The following WDFY4 variants were observed in gnomAD, a reference collection of about 807,000 sequenced individuals.
The protein encoded by WDFY4 is WDFY family member 4.
Under a neutral mutation model 351.9 loss-of-function variants are expected in WDFY4, and 169 were observed. The ratio of observed to expected loss-of-function variants is 0.48; its 90% CI spans 0.42 to 0.55. WDFY4 has a LOEUF of 0.55. Among genes scored for constraint, WDFY4 ranks in the 20% least tolerant of loss-of-function variants. The pLI is 0.00. For synonymous variants in WDFY4, 1,622 were observed against 1,574.6 expected (o/e 1.03, Z -0.71); for missense variants, 3,803 against 3,935.6 (o/e 0.97, Z 0.90).
intron 23 of WDFY4, among the ~76,000 whole-genome samples, chr10:48,792,234 C>A (rs536021237): frequency 6.6e-6 from 1 of 152,174 alleles, no homozygotes; most frequent in African/African-American, 2.4e-5. Context: ...CTTCTGTTTT[C>A]CAAGATCAAG....
Position 48,756,951 on chromosome 10 carries a change from T to G in WDFY4, c.2460-3396T>G, listed in dbSNP as rs187117119. 3.0e-4 allele frequency among the ~76,000 whole-genome samples: 46 copies of G among 152,226 alleles called. 1 individual carries two copies. The highest frequency in any genetic ancestry group is 1.2e-3 in the Admixed American group (19 of 15,290). On this transcript the variant is annotated intron_variant, in intron 12 of 61. Coordinates refer to ENST00000325239, the MANE Select transcript of WDFY4 (RefSeq NM_001394531.1). ...TCAGGGTAATTCTGGCTTTATAAAA[T>G]GAATTGGGAAGTGTTCCCTTCTCTT...
At chr10:48,917,700 G>T (rs992385038) in intron 47 of WDFY4, among the ~76,000 whole-genome samples, 2 of 152,176 alleles carry the variant, frequency 1.3e-5, no homozygotes, top group African/African-American at 4.8e-5. Flanking sequence ...ATAAGTTTTT[G>T]CCACTAACTA....
Position 48,821,535 on chromosome 10 carries a change from G to A in WDFY4, c.5824+359G>A, listed in dbSNP as rs115236611. Among the ~76,000 whole-genome samples the A allele has an allele frequency of 8.0e-3, 1,219 of 152,344 alleles. 14 individuals are homozygous for A. Among genetic ancestry groups the A allele is most frequent in the African/African-American group, 0.027 (1,121 of 41,568 alleles). On this transcript the variant is annotated intron_variant, in intron 34 of 61. Coordinates refer to ENST00000325239, the MANE Select transcript of WDFY4 (RefSeq NM_001394531.1). ...CGTGCTCAGCATTCTGCCTGGGTAC[G>A]GGATAGGTGCACAGCTGATGTTTCT...
At chr10:48,707,777 G>A (rs138963187) in intron 1 of WDFY4, among the ~76,000 whole-genome samples, 1 of 152,190 alleles carries the variant, frequency 6.6e-6, no homozygotes. Flanking sequence ...CCAAGTGAGA[G>A]TGTGGGTGGG....
chr10:48,957,502 G>A (rs4838659), intron 52 of WDFY4, among the ~76,000 whole-genome samples: 3,348 of 152,304 alleles, frequency 0.022, 77 homozygotes, highest in South Asian at 0.093. Context: ...GCCACCACCC[G>A]ACCTGCGACT....
rs561650883 is a variant in WDFY4 at position 48,953,393 on chromosome 10, G to A, written c.7978-3736G>A. On this transcript the variant is annotated intron_variant, in intron 51 of 61. Coordinates refer to ENST00000325239, the MANE Select transcript of WDFY4 (RefSeq NM_001394531.1). ...TTCACACCAACAGCTATCATCCAGG[G>A]TTCATAGACAAGGGCATGGGCGGTT... Among the ~76,000 whole-genome samples, 5 of 149,834 alleles carry A rather than the reference G, an allele frequency of 3.3e-5. No homozygotes were observed. In the South Asian group the frequency reaches 1.1e-3, roughly 32 times the overall value.
intron 36 of WDFY4, 90 bp downstream of exon 36, chr10:48,826,999 G>C (rs1438775843): frequency 9.6e-7 from 1 of 1,045,962 alleles, no homozygotes; most frequent in Admixed American, 2.6e-5. Flanking sequence ...ACTGAGTTCT[G>C]TATAAATGAT....
Position 48,731,361 on chromosome 10 carries a change from T to C in WDFY4, c.1381T>C (p.Tyr461His). ...AGAGGCCCTGGTGTTCGAGCTGCACTACGTGCCTCATGAGATCCTGCGAAA... is the reference window on the plus strand; with the variant it reads ...AGAGGCCCTGGTGTTCGAGCTGCACCACGTGCCTCATGAGATCCTGCGAAA... ...LLEALVFELH[Y>H]VPHEILRKVQ... Residue 461 changes from tyrosine (Y) to histidine (H), a missense_variant, in exon 9 of 62, where the codon TAC (tyrosine) becomes CAC (histidine). Tyr to His is a moderately conservative substitution (Grantham distance 83, BLOSUM62 2). This residue lies in a region of WDFY4 where 261 missense variants were observed against 330.2 expected (regional missense o/e 0.79). Coordinates refer to ENST00000325239, the MANE Select transcript of WDFY4 (RefSeq NM_001394531.1). 6.4e-7 allele frequency: 1 copy of C among 1,551,798 alleles called. No individual in the cohort carries two copies. Among genetic ancestry groups the C allele is most frequent in the Non-Finnish European group, 8.7e-7 (1 of 1,147,008 alleles).
chr10:48,900,343 T>A lies in WDFY4; in HGVS notation c.7523+37T>A, dbSNP rs989595065. On this transcript the variant is annotated intron_variant, in intron 46 of 61. Transcript: ENST00000325239. ...AAAATCCTCCTTCTGAGGAAACTGA[T>A]CCTGAACTGAGAGCAGAGGGGCAGA... 3.9e-6 allele frequency: 6 copies of A among 1,521,220 alleles called. No individual in the cohort carries two copies. The African/African-American group carries it at 8.3e-5, about 21-fold the overall frequency. 94.2% of individuals were successfully genotyped at this position (1,521,220 alleles called of 1,614,324 possible).
chr10:48,685,651 T>C (rs2063023506), intron 1 of WDFY4, among the ~76,000 whole-genome samples: 1 of 152,214 alleles, frequency 6.6e-6, no homozygotes, highest in African/African-American at 2.4e-5. Flanking sequence ...GATTCTTCTT[T>C]TCCCCTGAAA....
intron 4 of WDFY4, among the ~76,000 whole-genome samples, chr10:48,721,810 C>T (rs536846004): frequency 2.0e-5 from 3 of 152,290 alleles, no homozygotes; most frequent in African/African-American, 7.2e-5. Flanking sequence ...CGCAGGCTTA[C>T]CTACGCTGTG....
rs559365607 is a variant in WDFY4, at chr10:48,685,357, G to A, written c.-18+356G>A. On this transcript the variant is annotated intron_variant, in intron 1 of 61. Coordinates refer to ENST00000325239, the MANE Select transcript of WDFY4 (RefSeq NM_001394531.1). ...TATGAAGGGAACCCTGGGAAGGGCT[G>A]ACACGGGCTTTCCTGGTTGTCGAGG... Among the ~76,000 whole-genome samples, 3 of 152,350 alleles carry A rather than the reference G, an allele frequency of 2.0e-5. No individual in the cohort carries two copies. In the East Asian group the frequency reaches 5.8e-4, roughly 29 times the overall value.
At position 48,776,883 on chromosome 10, in the gene WDFY4, G is replaced by A. The variant is rs187131083; in HGVS notation, c.2997G>A (p.Ala999=). Residue 999 remains alanine, a synonymous_variant, in exon 16 of 62, where the codon GCG becomes GCA. Coordinates refer to ENST00000325239, the MANE Select transcript of WDFY4 (RefSeq NM_001394531.1). The part of the protein sequence containing the change: ...SQDSTTALQT[A]LSLISMTSPR... ...ATTCAACTACTGCTCTTCAGACGGC[G>A]CTGAGCCTCATCTCCATGACCTCCC... 17 of 1,551,866 alleles carry A rather than the reference G, an allele frequency of 1.1e-5. No homozygotes were observed. Among genetic ancestry groups the A allele is most frequent in the South Asian group, 5.9e-5 (5 of 84,068 alleles).
At chr10:48,720,803 C>G (rs2064059217) in intron 3 of WDFY4, among the ~76,000 whole-genome samples, 1 of 152,192 alleles carries the variant, frequency 6.6e-6, no homozygotes, top group Non-Finnish European at 1.5e-5. Context: ...GCATTCTTCC[C>G]CTCATGTGCG....
chr10:48,778,087 G>T (rs181513526), intron 17 of WDFY4, among the ~76,000 whole-genome samples: 56 of 152,350 alleles, frequency 3.7e-4, no homozygotes, highest in African/African-American at 1.3e-3. Context: ...CAGTGCAAGT[G>T]CCTGATGCTG....
chr10:48,773,215 A>G (rs1205658467), intron 13 of WDFY4, among the ~76,000 whole-genome samples: 1 of 152,166 alleles, frequency 6.6e-6, no homozygotes, highest in African/African-American at 2.4e-5. Flanking sequence ...AACTAGTTCA[A>G]CCATTGTGGA....
intron 49 of WDFY4, among the ~76,000 whole-genome samples, chr10:48,945,554 C>G (rs943380943): frequency 6.6e-6 from 1 of 152,140 alleles, no homozygotes; most frequent in African/African-American, 2.4e-5. Flanking sequence ...AGGGAAGGGG[C>G]GCTCACAGCA....
chr10:48,949,280 A>T (rs989294782), intron 51 of WDFY4, among the ~76,000 whole-genome samples: 1 of 152,196 alleles, frequency 6.6e-6, no homozygotes, highest in Admixed American at 6.5e-5. Context: ...AGTGGGTCAC[A>T]CCTGGCCCGA....
At chr10:48,825,146 G>T (rs1036756709) in intron 35 of WDFY4, among the ~76,000 whole-genome samples, 1 of 152,096 alleles carries the variant, frequency 6.6e-6, no homozygotes, top group Non-Finnish European at 1.5e-5. Context: ...AGTGTGTGTT[G>T]TTCCTCTCCC....
Sources: allele counts gnomAD v4.1 joint callset (sites outside exome capture counted in the v4.1 genomes callset), GRCh38; gene constraint gnomAD v4.1.1; regional missense constraint gnomAD v4.1.1; transcripts MANE v1.5; gene names NCBI Gene and HGNC (gene_info 2026-07-23, HGNC 2026-07-21).